Variants in MOSPD2 observed in about 807,000 individuals in gnomAD.
MOSPD2 encodes the protein motile sperm domain-containing protein 2.
In MOSPD2, 5 loss-of-function variants were observed where a neutral mutation model predicts 41.7. The observed-to-expected ratio is 0.12, with a 90% CI of 0.06 to 0.25. The LOEUF (loss-of-function observed/expected upper bound fraction) is 0.25, where lower values mean the gene tolerates loss of function less well. Among genes scored for constraint, MOSPD2 ranks in the 10% least tolerant of loss-of-function variants. The pLI is 1.00. For missense variants in MOSPD2, 282 were observed against 375.2 expected, an observed-to-expected ratio of 0.75 and a Z score of 2.05; for synonymous variants, 115 against 126.9, an observed-to-expected ratio of 0.91 and a Z score of 0.63.
At chrX:14,899,561 T>TACACAC (rs1422473429) in intron 5 of MOSPD2, among the ~76,000 whole-genome samples, 1 of 54,038 alleles carries the variant, frequency 1.9e-5, no homozygotes, top group Non-Finnish European at 4.3e-5. Context: ...ATATATTATA[T>TACACAC]ACATACACAC....
intron 4 of MOSPD2, among the ~76,000 whole-genome samples, chrX:14,896,333 T>C (rs1203444092): frequency 9.0e-6 from 1 of 111,296 alleles, no homozygotes; most frequent in Non-Finnish European, 1.9e-5. Flanking sequence ...GCTCACTTTC[T>C]GTATTGCCCA....
intron 2 of MOSPD2, among the ~76,000 whole-genome samples, 198 bp from the exon 3 acceptor site, chrX:14,892,525 G>C (rs2092555796): frequency 9.0e-6 from 1 of 111,426 alleles, no homozygotes; most frequent in Admixed American, 9.6e-5. Context: ...CAAGAGACTT[G>C]GGGGAACCAA....
intron 6 of MOSPD2, among the ~76,000 whole-genome samples, chrX:14,902,011 A>C (rs1253335569): frequency 9.1e-6 from 1 of 110,461 alleles, no homozygotes; most frequent in Non-Finnish European, 1.9e-5. Flanking sequence ...TATTCTACCT[A>C]CATAATATAG....
chrX:14,915,548 A>G (rs2092598824), intron 11 of MOSPD2, 120 bp from the exon 12 acceptor site: 2 of 306,407 alleles, frequency 6.5e-6, no homozygotes, highest in Non-Finnish European at 1.0e-5. Context: ...AACTTAAAGT[A>G]TAATAAAAAT....
chrX:14,892,834 T>A lies in MOSPD2; in HGVS notation c.191T>A (p.Met64Lys). Residue 64 changes from methionine (M) to lysine (K), a missense_variant, in exon 3 of 15, where the codon ATG (methionine) becomes AAG (lysine). Met to Lys is a moderately conservative substitution (Grantham distance 95, BLOSUM62 -1). Transcript: ENST00000380492. ...AATATTGTAGATGAAACACTGAAGATGCTCGATGAGAGTTTTCAGTGGAGG... is the reference window on the plus strand; with the variant it reads ...AATATTGTAGATGAAACACTGAAGAAGCTCGATGAGAGTTTTCAGTGGAGG... ...RHNIVDETLKMLDESFQWRKE... is the reference protein window; with the variant it reads ...RHNIVDETLKKLDESFQWRKE... 8.3e-7 allele frequency: 1 copy of A among 1,207,850 alleles called. No individual in the cohort carries two copies. The highest frequency in any genetic ancestry group is 1.1e-6 in the Non-Finnish European group (1 of 892,379).
Position 14,873,765 on chromosome X carries a change from A to ACT in MOSPD2, c.79+10_79+11dup. The ACT allele has an allele frequency of 8.4e-7, 1 of 1,188,611 alleles. No individual in the cohort carries two copies. Among genetic ancestry groups the ACT allele is most frequent in the African/African-American group, 1.7e-5 (1 of 57,213 alleles). On this transcript the variant is annotated splice_region_variant and intron_variant, in intron 2 of 14. Transcript: ENST00000380492. ...GAAGCTGAGTATGTGACAGGTGGGT[A>ACT]CTCTGTTCCAGGTATTAAGAAAGGT...
At chrX:14,890,188 C>T (rs1354099801) in intron 2 of MOSPD2, among the ~76,000 whole-genome samples, 1 of 105,711 alleles carries the variant, frequency 9.5e-6, no homozygotes, top group Admixed American at 9.9e-5. Flanking sequence ...TGTCAGCACT[C>T]TTAGTTTAAA....
intron 13 of MOSPD2, among the ~76,000 whole-genome samples, chrX:14,916,776 G>C (rs1453133442): frequency 8.9e-6 from 1 of 111,964 alleles, no homozygotes; most frequent in East Asian, 2.8e-4. Flanking sequence ...AGACATCTGT[G>C]ATATATTTTA....
intron 2 of MOSPD2, chrX:14,885,465 G>T (rs2092539356): frequency 8.9e-6 from 1 of 112,210 alleles, no homozygotes; most frequent in African/African-American, 3.2e-5. Context: ...AAAGTTAAGT[G>T]TATCTTCTAA....
intron 7 of MOSPD2, 22 bp downstream of exon 7, chrX:14,903,026 T>C (rs1361052471): frequency 2.0e-6 from 2 of 1,002,539 alleles, no homozygotes; most frequent in Non-Finnish European, 2.8e-6. Flanking sequence ...TATACTTTCT[T>C]AAAACAAAAT....
intron 14 of MOSPD2, 127 bp from the exon 15 acceptor site, chrX:14,919,545 C>T (rs936678902): frequency 2.0e-6 from 1 of 503,236 alleles, no homozygotes; most frequent in African/African-American, 2.4e-5. Flanking sequence ...CACCTCCTTC[C>T]ACCAGCCTTA....
Position 14,902,970 on chromosome X carries a change from A to C in MOSPD2, c.543A>C (p.Lys181Asn), listed in dbSNP as rs774292970. The C allele has an allele frequency of 1.4e-5, 16 of 1,158,368 alleles. No individual in the cohort carries two copies. Among genetic ancestry groups the C allele is most frequent in the Non-Finnish European group, 1.8e-5 (15 of 848,994 alleles). The change falls in exon 7 of 15, where the codon AAA becomes AAC. Residue 181 changes from lysine (K) to asparagine (N), a missense_variant. Lys to Asn is a moderately conservative substitution (Grantham distance 94). Around this residue, in one of 3 missense-constraint regions of MOSPD2, gnomAD observed 187 missense variants for 256.6 expected, o/e 0.73. Coordinates refer to ENST00000380492, the MANE Select transcript of MOSPD2 (RefSeq NM_152581.4). ...FKVYYPKYLS[K>N]IVIFDMPWLM... is the part of the protein sequence containing the mutation. ...GAATTTTTTTTCATCTTTCAGCAAA[A>C]ATAGTGATCTTTGATATGCCTTGGT...
rs1176223996 is a variant in MOSPD2 at position 14,897,098 on chromosome X, A to G, written c.337A>G (p.Lys113Glu). 1 of 1,202,185 alleles carries G rather than the reference A, an allele frequency of 8.3e-7. No homozygotes were observed. The highest frequency in any genetic ancestry group is 2.2e-5 in the Admixed American group (1 of 44,798). ...TCTGCTTAAAGTCTGGATCAGGGTG[A>G]AGTATCATGTAAAAGACCAGAAAAC... The part of the protein sequence containing the change: ...EGNKLFWIRV[K>E]YHVKDQKTIL... Residue 113 changes from lysine to glutamate, a missense_variant, in exon 5 of 15, where the codon AAG becomes GAG. Lys to Glu is a moderately conservative substitution (Grantham distance 56). This residue lies in a region of MOSPD2 where 187 missense variants were observed against 256.6 expected (regional missense o/e 0.73). Transcript: ENST00000380492.
chrX:14,880,981 A>C (rs1468804422), intron 2 of MOSPD2, among the ~76,000 whole-genome samples: 3 of 111,584 alleles, frequency 2.7e-5, no homozygotes, highest in Non-Finnish European at 5.7e-5. Context: ...ATTCCCTATA[A>C]GATATATTGA....
rs1051536690 is a variant in MOSPD2 at position 14,921,188 on chromosome X, G to A, written c.*1379G>A. Reference sequence around the variant, plus strand: ...GTCTGCCTGTAAAATGTTGAGTTTCGATTGAGCCATGTTTGGAGATTTTAT... The same window carrying A: ...GTCTGCCTGTAAAATGTTGAGTTTCAATTGAGCCATGTTTGGAGATTTTAT... On this transcript the variant is annotated 3_prime_UTR_variant, in exon 15 of 15. Transcript: ENST00000380492. 4 of 905,928 alleles carry A rather than the reference G, an allele frequency of 4.4e-6. No homozygotes were observed. The highest frequency in any genetic ancestry group is 4.7e-5 in the East Asian group (1 of 21,412). The allele number at this position is 905,928 out of a possible 1,213,427, so 74.7% of individuals were successfully genotyped here. A position where few individuals can be genotyped will look rare whatever the true frequency, so the allele number is the denominator to read the frequency against.
Position 14,900,651 on chromosome X carries a change from CT to C in MOSPD2, c.538+19del. On this transcript the variant is annotated intron_variant, in intron 6 of 14. Transcript: ENST00000380492. ...AAATACCTCTGTAAGTAACTTACTC[CT>C]TTATAAAAAATATAACATATTGAAA... 1.1e-6 allele frequency: 1 copy of C among 909,727 alleles called. No homozygotes were observed. Among genetic ancestry groups the C allele is most frequent in the Non-Finnish European group, 1.5e-6 (1 of 649,324 alleles). 75.0% of individuals were successfully genotyped at this position (909,727 alleles called of 1,213,427 possible).
intron 2 of MOSPD2, among the ~76,000 whole-genome samples, chrX:14,888,959 G>A (rs1269047298): frequency 9.0e-6 from 1 of 111,648 alleles, no homozygotes; most frequent in Non-Finnish European, 1.9e-5. Flanking sequence ...GAGGCTGAGT[G>A]ATTTATAAAG....
At chrX:14,915,121 G>A (rs1299515915) in intron 11 of MOSPD2, among the ~76,000 whole-genome samples, 1 of 111,690 alleles carries the variant, frequency 9.0e-6, no homozygotes, top group Non-Finnish European at 1.9e-5. Flanking sequence ...TGTTCCTGAT[G>A]TGCTTTGATT....
At chrX:14,917,880 A>C (rs1399439033) in intron 13 of MOSPD2, among the ~76,000 whole-genome samples, 2 of 111,903 alleles carry the variant, frequency 1.8e-5, no homozygotes, top group East Asian at 5.6e-4. Context: ...CTTAGCTGAT[A>C]GATCATGAAA....
Sources: gnomAD v4.1 joint callset for allele counts (sites outside exome capture counted in the v4.1 genomes callset) on GRCh38, gnomAD v4.1.1 for gene constraint, gnomAD v4.1.1 regional missense constraint, MANE v1.5 for transcripts, NCBI Gene and HGNC (gene_info 2026-07-23, HGNC 2026-07-21) for gene names.